CACNA1C: variants seen among roughly 807,000 people sequenced by gnomAD.
The protein encoded by CACNA1C is voltage-dependent L-type calcium channel subunit alpha-1C.
Under a neutral mutation model 229.0 loss-of-function variants are expected in CACNA1C, and 30 were observed. The observed-to-expected ratio is 0.13, with a 90% CI of 0.10 to 0.18. The LOEUF (loss-of-function observed/expected upper bound fraction) is 0.18. Ranked by LOEUF, CACNA1C falls within the 10% of genes least tolerant of loss-of-function variation. The pLI is 1.00. For synonymous variants in CACNA1C, 1,114 were observed against 1,132.5 expected, an observed-to-expected ratio of 0.98 and a Z score of 0.33; for missense variants, 1,658 against 2,845.0, an observed-to-expected ratio of 0.58 and a Z score of 9.49.
Position 2,550,053 on chromosome 12 carries a change from C to G in CACNA1C, c.1481+20C>G. The G allele has an allele frequency of 6.5e-7, 1 of 1,547,090 alleles. No homozygotes were observed. On this transcript the variant is annotated intron_variant, in intron 10 of 46. Coordinates refer to ENST00000399655, the MANE Select transcript of CACNA1C (RefSeq NM_000719.7). ...GCTGGCGTGAGTAGGCACGGCGAGC[C>G]CAGGGGCTGGGGCTTTTTCTGGAGC...
chr12:2,619,895 G>A (rs1180362616), intron 29 of CACNA1C, among the ~76,000 whole-genome samples: 1 of 151,958 alleles, frequency 6.6e-6, no homozygotes, highest in East Asian at 1.9e-4. Flanking sequence ...GGGCGACTTT[G>A]GCCCACTCTT....
At chr12:1,997,974 T>C in intron 1 of CACNA1C, 1 of 1,608,850 alleles carries the variant, frequency 6.2e-7, no homozygotes. Flanking sequence ...ATCAGTTTTC[T>C]CCTAAACAAT....
At chr12:2,631,823 G>A (rs776738899) in intron 29 of CACNA1C, among the ~76,000 whole-genome samples, 4 of 152,148 alleles carry the variant, frequency 2.6e-5, no homozygotes, top group South Asian at 2.1e-4. Flanking sequence ...CCTGGGAACC[G>A]AAAGGCCCCT....
At chr12:2,313,386 A>G (rs947096993) in intron 3 of CACNA1C, among the ~76,000 whole-genome samples, 2 of 152,166 alleles carry the variant, frequency 1.3e-5, no homozygotes, top group Non-Finnish European at 2.9e-5. Context: ...AGTTGCCTCA[A>G]AACTGCTCAC....
intron 38 of CACNA1C, among the ~76,000 whole-genome samples, chr12:2,674,267 G>C (rs1441995687): frequency 2.0e-5 from 3 of 152,178 alleles, no homozygotes; most frequent in Non-Finnish European, 4.4e-5. Context: ...GGGCCCCCTG[G>C]CTGGCCTGAG....
At chr12:2,433,081 G>T (rs2154558790) in intron 3 of CACNA1C, among the ~76,000 whole-genome samples, 1 of 152,352 alleles carries the variant, frequency 6.6e-6, no homozygotes, top group Non-Finnish European at 1.5e-5. Flanking sequence ...TGACGTGTGT[G>T]CTGATGACTC....
rs2062162313 is a variant in CACNA1C at position 2,585,726 on chromosome 12, A to G, written c.2461-109A>G. 2 of 950,744 alleles carry G rather than the reference A, an allele frequency of 2.1e-6. No homozygotes were observed. The highest frequency in any genetic ancestry group is 3.3e-6 in the Non-Finnish European group (2 of 598,918). 58.9% of individuals were successfully genotyped at this position (950,744 alleles called of 1,614,324 possible). On this transcript the variant is annotated intron_variant, in intron 17 of 46. Coordinates refer to ENST00000399655, the MANE Select transcript of CACNA1C (RefSeq NM_000719.7). The surrounding 1 kb of genome is among the most constrained non-coding windows in gnomAD (Gnocchi z 4.1). Reference sequence around the variant, plus strand: ...GAGATATGCAAAGTGACAAGTACCTATTTTTGAGCTAAGTCACTGACTAAA... The same window carrying G: ...GAGATATGCAAAGTGACAAGTACCTGTTTTTGAGCTAAGTCACTGACTAAA...
chr12:2,440,194 C>T (rs965742793), intron 3 of CACNA1C, among the ~76,000 whole-genome samples: 13 of 152,158 alleles, frequency 8.5e-5, no homozygotes, highest in African/African-American at 3.1e-4. Flanking sequence ...TAATCACACC[C>T]ACAATGTTGT....
rs200017146 is a variant in CACNA1C, at chr12:2,615,761, G to A, written c.3828+3748G>A. ...GTGTCGGCTGCTGGTTTGGTAGTGG[G>A]AGTGATGATGTCACTTAGTTGCCTG... On this transcript the variant is annotated intron_variant, in intron 29 of 46. Transcript: ENST00000399655. 1.1e-4 allele frequency among the ~76,000 whole-genome samples: 16 copies of A among 152,360 alleles called. No homozygotes were observed. In the East Asian group the frequency reaches 3.1e-3, roughly 29 times the overall value.
Position 2,563,206 on chromosome 12 carries a change from G to T in CACNA1C, c.1509-3216G>T, listed in dbSNP as rs577204045. ...TCCATCCATGTTGTTGCAAATGACAGAATTTCATTCTTTTTTATAGCTGAA... is the reference window on the plus strand; with the variant it reads ...TCCATCCATGTTGTTGCAAATGACATAATTTCATTCTTTTTTATAGCTGAA... On this transcript the variant is annotated intron_variant, in intron 11 of 46. Coordinates refer to ENST00000399655, the MANE Select transcript of CACNA1C (RefSeq NM_000719.7). Among the ~76,000 whole-genome samples, 3 of 152,294 alleles carry T rather than the reference G, an allele frequency of 2.0e-5. No homozygotes were observed. In the East Asian group the frequency reaches 5.8e-4, roughly 29 times the overall value.
At chr12:2,449,650 C>G (rs1316365731) in intron 4 of CACNA1C, among the ~76,000 whole-genome samples, 2 of 152,230 alleles carry the variant, frequency 1.3e-5, no homozygotes, top group Admixed American at 6.5e-5. Context: ...AAGAGCACCC[C>G]TCTCCACCAC....
intron 31 of CACNA1C, among the ~76,000 whole-genome samples, 179 bp downstream of exon 31, chr12:2,648,686 C>A (rs2094593060): frequency 6.6e-6 from 1 of 152,104 alleles, no homozygotes; most frequent in Non-Finnish European, 1.5e-5. Flanking sequence ...TGTGAAGATG[C>A]TGTTTGTGCA....
intron 3 of CACNA1C, among the ~76,000 whole-genome samples, chr12:2,160,583 T>A (rs2095805381): frequency 6.6e-6 from 1 of 152,184 alleles, no homozygotes; most frequent in African/African-American, 2.4e-5. Context: ...CAGGTGTCCC[T>A]AAGAGGAAAA....
rs771801423 is a variant in CACNA1C at position 2,602,152 on chromosome 12, C to T, written c.2960+192C>T. Among the ~76,000 whole-genome samples, 9 of 152,152 alleles carry T rather than the reference C, an allele frequency of 5.9e-5. No individual in the cohort carries two copies. The highest frequency in any genetic ancestry group is 1.0e-4 in the Non-Finnish European group (7 of 68,030). ...CCTCAGTGGTCTGATACTTGGGGCA[C>T]GTTGATCAGGTGAGAATATGTTTAA... On this transcript the variant is annotated intron_variant, in intron 22 of 46. Transcript: ENST00000399655. This position sits in a 1 kb window ranked among gnomAD's most constrained non-coding sequence, Gnocchi z 4.4.
Position 2,639,623 on chromosome 12 carries a change from G to T in CACNA1C, c.3912+5243G>T, listed in dbSNP as rs1349996684. Among the ~76,000 whole-genome samples the T allele has an allele frequency of 1.3e-5, 2 of 152,144 alleles. No individual in the cohort carries two copies. The highest frequency in any genetic ancestry group is 1.3e-4 in the Admixed American group (2 of 15,286). On this transcript the variant is annotated intron_variant, in intron 30 of 46. Transcript: ENST00000399655. This position sits in a 1 kb window ranked among gnomAD's most constrained non-coding sequence, Gnocchi z 4.2. Reference sequence around the variant, plus strand: ...AGTGAGAGGTTTAGGATGGTCTCTTGCAACTCTAGCCTGCAGTGATTCTGA... The same window carrying T: ...AGTGAGAGGTTTAGGATGGTCTCTTTCAACTCTAGCCTGCAGTGATTCTGA...
At chr12:2,011,392 C>T (rs11062065) in intron 1 of CACNA1C, 32,211 of 151,918 alleles carry the variant, frequency 0.21, 3,483 homozygotes, top group African/African-American at 0.22. Context: ...CACCAGATTG[C>T]CTTTCCCATT....
intron 1 of CACNA1C, among the ~76,000 whole-genome samples, chr12:2,056,196 A>AGTGTGTGT (rs138718348): frequency 3.4e-5 from 5 of 146,112 alleles, no homozygotes; most frequent in South Asian, 4.6e-4. Flanking sequence ...AGTGTGTGTG[A>AGTGTGTGT]GTGTGTGTGT....
At chr12:2,143,215 G>A (rs1322060243) in intron 3 of CACNA1C, among the ~76,000 whole-genome samples, 1 of 151,096 alleles carries the variant, frequency 6.6e-6, no homozygotes, top group African/African-American at 2.4e-5. Flanking sequence ...TGATCCACCC[G>A]CTTTGGCCTC....
chr12:2,424,476 T>A (rs1003527618), intron 3 of CACNA1C, among the ~76,000 whole-genome samples: 18 of 152,096 alleles, frequency 1.2e-4, no homozygotes, highest in Non-Finnish European at 2.9e-5. Context: ...CTTGGATGTT[T>A]GGTGTCTTGG....
Sources: allele counts gnomAD v4.1 joint callset (sites outside exome capture counted in the v4.1 genomes callset), GRCh38; gene constraint gnomAD v4.1.1; non-coding constraint Gnocchi (gnomAD v3.1); transcripts MANE v1.5; gene names NCBI Gene and HGNC (gene_info 2026-07-23, HGNC 2026-07-21).